The following CCDC13 variants were observed in gnomAD, a reference collection of about 807,000 sequenced individuals.
The protein encoded by CCDC13 is coiled-coil domain containing 13.
A neutral mutation model predicts 87.3 loss-of-function variants in CCDC13; 70 were observed. The ratio of observed to expected loss-of-function variants is 0.80; its 90% CI spans 0.66 to 0.98. CCDC13 has a LOEUF of 0.98. Ranked by LOEUF, CCDC13 falls within the 50% of genes least tolerant of loss-of-function variation. CCDC13 has a pLI of 0.00. For missense variants in CCDC13, 842 were observed against 892.0 expected, an observed-to-expected ratio of 0.94 and a Z score of 0.71; for synonymous variants, 317 against 360.3, an observed-to-expected ratio of 0.88 and a Z score of 1.36.
intron 1 of CCDC13, among the ~76,000 whole-genome samples, chr3:42,772,046 TGGATCACCTGAG>T (rs1229042057): frequency 6.6e-6 from 1 of 151,298 alleles, no homozygotes; most frequent in African/African-American, 2.4e-5. Flanking sequence ...CTGAGGTGGG[TGGATCACCTGAG>T]GTCAGGAGTT....
chr3:42,711,245 C>CCA (rs1305226310), intron 14 of CCDC13, among the ~76,000 whole-genome samples: 4 of 38,382 alleles, frequency 1.0e-4, no homozygotes, highest in African/African-American at 5.5e-4. Context: ...GACTCTGTCT[C>CCA]CAAAAAAAAA....
chr3:42,755,449 A>T (rs1575327066), intron 3 of CCDC13, among the ~76,000 whole-genome samples: 1 of 152,302 alleles, frequency 6.6e-6, no homozygotes, highest in African/African-American at 2.4e-5. Flanking sequence ...TCTACTAAAA[A>T]TACAAAAATT....
intron 5 of CCDC13, among the ~76,000 whole-genome samples, chr3:42,748,979 G>C (rs1699496560): frequency 6.6e-6 from 1 of 152,092 alleles, no homozygotes; most frequent in Non-Finnish European, 1.5e-5. Context: ...GGCTGGTCTT[G>C]AACTCCAGAC....
At chr3:42,711,101 C>T (rs1698298869) in intron 14 of CCDC13, among the ~76,000 whole-genome samples, 1 of 152,000 alleles carries the variant, frequency 6.6e-6, no homozygotes, top group South Asian at 2.1e-4. Context: ...CATAAATTAG[C>T]AGGGTGTGGT....
intron 8 of CCDC13, 108 bp from the exon 9 acceptor site, chr3:42,739,918 G>A: frequency 9.6e-7 from 1 of 1,044,328 alleles, no homozygotes; most frequent in Non-Finnish European, 1.4e-6. Flanking sequence ...GGGTGGGGGT[G>A]CTTGTTGAAT....
chr3:42,767,212 T>C (rs940230577), intron 1 of CCDC13, among the ~76,000 whole-genome samples: 3 of 151,424 alleles, frequency 2.0e-5, no homozygotes, highest in African/African-American at 4.8e-5. Flanking sequence ...TTATAAGTGA[T>C]TGCAGCAAGG....
At chr3:42,736,767 G>T (rs1699034882) in intron 9 of CCDC13, among the ~76,000 whole-genome samples, 1 of 152,022 alleles carries the variant, frequency 6.6e-6, no homozygotes, top group South Asian at 2.1e-4. Flanking sequence ...CCCCAGCCAA[G>T]CCAGACATGA....
Position 42,754,263 on chromosome 3 carries a change from G to A in CCDC13, c.371-1546C>T, listed in dbSNP as rs147993016. ...CTCCTGCCAGCCTGGGCGAGGCAGT[G>A]AGTGGGGCAACTAGGAGTAGCTGCC... On this transcript the variant is annotated intron_variant, in intron 3 of 15. Transcript: ENST00000310232. 7.7e-3 allele frequency among the ~76,000 whole-genome samples: 1,172 copies of A among 152,310 alleles called. 3 individuals are homozygous for A. Among genetic ancestry groups the A allele is most frequent in the Middle Eastern group, 0.014 (4 of 294 alleles).
Position 42,713,222 on chromosome 3 carries a change from T to A in CCDC13, c.1813A>T (p.Ile605Leu). ...TVVLEQHLEK[I>L]RLEPGKASAS... is the part of the protein sequence containing the mutation. ...GATGCCTTCCCTGGCTCCAGGCGTA[T>A]CTTCTCCAGATGTTGCTCCAGCACC... Residue 605 changes from isoleucine to leucine, a missense_variant, in exon 14 of 16, where the codon ATA (isoleucine) becomes TTA (leucine). By Grantham distance (5) the Ile-to-Leu change is conservative. Coordinates refer to ENST00000310232, the MANE Select transcript of CCDC13 (RefSeq NM_144719.4). 1 of 1,614,200 alleles carries A rather than the reference T, an allele frequency of 6.2e-7. No homozygotes were observed. The highest frequency in any genetic ancestry group is 1.7e-5 in the Admixed American group (1 of 60,020).
intron 9 of CCDC13, among the ~76,000 whole-genome samples, chr3:42,737,317 T>C (rs868120846): frequency 2.0e-5 from 3 of 152,258 alleles, no homozygotes; most frequent in Admixed American, 6.5e-5. Flanking sequence ...CTATTACTGA[T>C]GGACATTTGG....
intron 14 of CCDC13, among the ~76,000 whole-genome samples, chr3:42,710,314 G>A (rs1348061775): frequency 6.6e-6 from 1 of 151,890 alleles, no homozygotes; most frequent in Non-Finnish European, 1.5e-5. Context: ...ATGTTGGCTA[G>A]GCCTCCCAAA....
In CCDC13 at chr3:42,734,645, T is replaced by C. The variant is rs138754499; in HGVS notation, c.1372-1036A>G. Among the ~76,000 whole-genome samples the C allele has an allele frequency of 3.4e-4, 52 of 152,326 alleles. 2 individuals carry two copies. In the East Asian group the frequency reaches 9.7e-3, roughly 28 times the overall value. ...CGAGGGGCTCTTGGGCTCTCACCTC[T>C]GAACAAACCACGGATCCCCAGAAAC... On this transcript the variant is annotated intron_variant, in intron 10 of 15. Coordinates refer to ENST00000310232, the MANE Select transcript of CCDC13 (RefSeq NM_144719.4).
chr3:42,747,479 T>C lies in CCDC13; in HGVS notation c.604-106A>G. On this transcript the variant is annotated intron_variant, in intron 5 of 15. Coordinates refer to ENST00000310232, the MANE Select transcript of CCDC13 (RefSeq NM_144719.4). ...CTGTGCCAGGCACTGTGCTAAGTGT[T>C]TGACATGGAAGAACTCATTTAATCC... is the stretch of plus-strand genomic sequence containing the variant. The C allele has an allele frequency of 6.2e-6, 5 of 804,756 alleles. No individual in the cohort carries two copies. In the South Asian group the frequency reaches 7.7e-5, roughly 12 times the overall value. The allele number at this position is 804,756 out of a possible 1,614,324, so 49.9% of individuals were successfully genotyped here.
Position 42,707,034 on chromosome 3 carries a change from T to G in CCDC13, c.*1946A>C, listed in dbSNP as rs2125864442. Among the ~76,000 whole-genome samples the G allele has an allele frequency of 6.6e-6, 1 of 152,340 alleles. No homozygotes were observed. Among genetic ancestry groups the G allele is most frequent in the East Asian group, 1.9e-4 (1 of 5,182 alleles). On this transcript the variant is annotated 3_prime_UTR_variant, in exon 16 of 16. Coordinates refer to ENST00000310232, the MANE Select transcript of CCDC13 (RefSeq NM_144719.4). Reference sequence around the variant, plus strand: ...GGCAGCAGAACCACCCTGAAGTGGCTGGAGTGTGGGTCACACCATCTCTGC... The same window carrying G: ...GGCAGCAGAACCACCCTGAAGTGGCGGGAGTGTGGGTCACACCATCTCTGC...
intron 7 of CCDC13, among the ~76,000 whole-genome samples, chr3:42,744,162 CTT>C (rs144966810): frequency 0.16 from 24,814 of 152,110 alleles, 2,120 homozygotes; most frequent in South Asian, 0.25. Flanking sequence ...GATTAGGTAA[CTT>C]TGCAAAATCC....
At chr3:42,766,600 G>A (rs1349575851) in intron 1 of CCDC13, among the ~76,000 whole-genome samples, 1 of 93,142 alleles carries the variant, frequency 1.1e-5, no homozygotes, top group African/African-American at 4.8e-5. Flanking sequence ...GCGAGATCCT[G>A]TCTCAAAGAA....
chr3:42,744,550 AAT>A (rs1298454126), intron 7 of CCDC13, among the ~76,000 whole-genome samples: 3 of 152,168 alleles, frequency 2.0e-5, no homozygotes, highest in African/African-American at 7.2e-5. Context: ...TCATGCCTGT[AAT>A]CCCAGCACTT....
chr3:42,761,412 C>G (rs148045002), intron 1 of CCDC13, among the ~76,000 whole-genome samples: 1 of 152,200 alleles, frequency 6.6e-6, no homozygotes, highest in Non-Finnish European at 1.5e-5. Context: ...GCTCCCCATG[C>G]CCTTGCCCTG....
chr3:42,769,971 C>T (rs528046696), intron 1 of CCDC13, among the ~76,000 whole-genome samples: 13 of 152,360 alleles, frequency 8.5e-5, no homozygotes, highest in Admixed American at 5.9e-4. Flanking sequence ...GGCTCCTGCG[C>T]GCCCCAGCCT....
Sources: allele counts gnomAD v4.1 joint callset (sites outside exome capture counted in the v4.1 genomes callset), GRCh38; gene constraint gnomAD v4.1.1; transcripts MANE v1.5; gene names NCBI Gene and HGNC (gene_info 2026-07-23, HGNC 2026-07-21).